The following TTLL9 variants were observed in gnomAD, a reference collection of about 807,000 sequenced individuals.
TTLL9 encodes the protein tubulin tyrosine ligase like 9, also known as probable tubulin polyglutamylase TTLL9.
TTLL9 carries 47 observed loss-of-function variants against 65.6 expected under a neutral mutation model. The observed-to-expected ratio is 0.72, with a 90% CI of 0.57 to 0.91. TTLL9 has a LOEUF of 0.91. Ranked by LOEUF, TTLL9 falls within the 40% of genes least tolerant of loss-of-function variation. TTLL9 has a pLI of 0.00. For missense variants in TTLL9, 537 were observed against 568.8 expected (o/e 0.94, Z 0.57); for synonymous variants, 179 against 204.8 (o/e 0.87, Z 1.07).
rs371973004 is a variant in TTLL9, at chr20:31,939,183, T to A, written c.1160T>A (p.Met387Lys). Residue 387 changes from methionine (M) to lysine (K), a missense_variant, in exon 14 of 15, where the codon ATG becomes AAG. This residue lies in a region of TTLL9 where 205 missense variants were observed against 225.9 expected (regional missense o/e 0.91). Coordinates refer to ENST00000535842, the MANE Select transcript of TTLL9 (RefSeq NM_001008409.5). ...REKRVGGFDLMWNDGPVSREE... is the reference protein window; with the variant it reads ...REKRVGGFDLKWNDGPVSREE... ...AAGCGAGTCGGGGGCTTTGACCTCA[T>A]GTGGAATGATGGCCCTGTTAGCAGA... 1 of 1,610,638 alleles carries A rather than the reference T, an allele frequency of 6.2e-7. No individual in the cohort carries two copies. The highest frequency in any genetic ancestry group is 1.3e-5 in the African/African-American group (1 of 74,662).
intron 3 of TTLL9, among the ~76,000 whole-genome samples, chr20:31,890,137 C>CTTT (rs1465726165): frequency 9.7e-5 from 10 of 103,446 alleles, no homozygotes; most frequent in African/African-American, 3.2e-4. Flanking sequence ...TTCCTTCCTT[C>CTTT]CTTCCTTCCT....
At chr20:31,882,856 G>A (rs1252592336) in intron 2 of TTLL9, among the ~76,000 whole-genome samples, 2 of 152,156 alleles carry the variant, frequency 1.3e-5, no homozygotes, top group East Asian at 1.9e-4. Flanking sequence ...CTGTTTATGT[G>A]GAGGGGTAAG....
intron 10 of TTLL9, among the ~76,000 whole-genome samples, chr20:31,926,292 C>T (rs139014466): frequency 9.5e-4 from 144 of 152,338 alleles, no homozygotes; most frequent in African/African-American, 3.4e-3. Context: ...CATTTGCATC[C>T]TTTTATGTGC....
intron 2 of TTLL9, among the ~76,000 whole-genome samples, chr20:31,872,522 A>G (rs933650166): frequency 5.3e-5 from 8 of 151,820 alleles, no homozygotes; most frequent in African/African-American, 1.9e-4. Flanking sequence ...ACAAAAAAAA[A>G]AAAAAAATTA....
chr20:31,931,443 T>C (rs1018076873), intron 10 of TTLL9, among the ~76,000 whole-genome samples: 4 of 152,124 alleles, frequency 2.6e-5, no homozygotes, highest in African/African-American at 9.7e-5. Flanking sequence ...GCCTGGCTAA[T>C]TTTTGTATTT....
intron 2 of TTLL9, among the ~76,000 whole-genome samples, chr20:31,881,884 A>G (rs897292736): frequency 3.3e-5 from 5 of 152,320 alleles, no homozygotes; most frequent in Non-Finnish European, 7.3e-5. Context: ...CTGTGAATAT[A>G]GTATAGACAT....
intron 11 of TTLL9, 172 bp from the exon 12 acceptor site, chr20:31,934,520 T>A (rs1266492268): frequency 1.5e-6 from 1 of 670,350 alleles, no homozygotes. Context: ...CATGAAGAAT[T>A]TTTGCCCCTC....
At chr20:31,917,781 G>T (rs535974588) in intron 6 of TTLL9, among the ~76,000 whole-genome samples, 2 of 151,758 alleles carry the variant, frequency 1.3e-5, no homozygotes, top group Admixed American at 6.6e-5. Flanking sequence ...AACACGAAAG[G>T]TGGCTCGCCC....
chr20:31,936,904 C>T (rs1010187428), intron 12 of TTLL9, among the ~76,000 whole-genome samples: 2 of 150,360 alleles, frequency 1.3e-5, no homozygotes, highest in Non-Finnish European at 3.0e-5. Context: ...GAGACCAGCT[C>T]GACCAACATG....
chr20:31,893,584 C>T (rs2063339179), intron 3 of TTLL9, among the ~76,000 whole-genome samples: 1 of 152,118 alleles, frequency 6.6e-6, no homozygotes, highest in Non-Finnish European at 1.5e-5. Context: ...AGCCACTGCG[C>T]CTAGCCAAAG....
At chr20:31,898,926 C>T (rs73903684) in intron 4 of TTLL9, among the ~76,000 whole-genome samples, 2,668 of 152,314 alleles carry the variant, frequency 0.018, 75 homozygotes, top group African/African-American at 0.06. Flanking sequence ...CCTCCAGTGA[C>T]GGGTCCAGAT....
chr20:31,942,114 G>T (rs747444077), intron 14 of TTLL9, among the ~76,000 whole-genome samples: 67 of 152,314 alleles, frequency 4.4e-4, no homozygotes, highest in Non-Finnish European at 7.5e-4. Flanking sequence ...CTGAGTGAGT[G>T]TCTGGGAAGC....
At chr20:31,878,455 C>T (rs959704658) in intron 2 of TTLL9, among the ~76,000 whole-genome samples, 2 of 152,214 alleles carry the variant, frequency 1.3e-5, no homozygotes, top group Non-Finnish European at 2.9e-5. Context: ...GTTGAGTATT[C>T]ATTTGGCCAA....
intron 4 of TTLL9, among the ~76,000 whole-genome samples, chr20:31,904,834 C>G (rs6141623): frequency 1.3e-5 from 2 of 152,030 alleles, no homozygotes; most frequent in African/African-American, 2.4e-5. Context: ...ATCATCTTGC[C>G]TAGAGGTTAC....
intron 12 of TTLL9, among the ~76,000 whole-genome samples, chr20:31,936,081 G>A (rs60161975): frequency 0.088 from 13,449 of 152,166 alleles, 648 homozygotes; most frequent in Middle Eastern, 0.16. Flanking sequence ...CTGTGTAGTG[G>A]AAAGGGGCTT....
At chr20:31,909,637 G>C (rs1428961450) in intron 5 of TTLL9, 100 bp from the exon 6 acceptor site, 1 of 1,112,024 alleles carries the variant, frequency 9.0e-7, no homozygotes, top group Non-Finnish European at 1.3e-6. Context: ...TTGTGGGCCA[G>C]AGCATGGAGG....
intron 3 of TTLL9, among the ~76,000 whole-genome samples, chr20:31,888,502 G>A (rs955571552): frequency 6.6e-6 from 1 of 152,018 alleles, no homozygotes; most frequent in Middle Eastern, 3.4e-3. Context: ...ACAGAGTTTC[G>A]CTCTTGTTGC....
intron 8 of TTLL9, among the ~76,000 whole-genome samples, chr20:31,923,608 G>A (rs1297873212): frequency 6.6e-6 from 1 of 152,158 alleles, no homozygotes; most frequent in Non-Finnish European, 1.5e-5. Flanking sequence ...GAATCACAAG[G>A]GCAAAAGGCC....
At chr20:31,940,889 A>G (rs763460878) in intron 14 of TTLL9, 1 of 152,086 alleles carries the variant, frequency 6.6e-6, no homozygotes, top group Non-Finnish European at 1.5e-5. Context: ...CAATCAAAGC[A>G]TTTGCTGGTG....
Sources: gnomAD v4.1 joint callset for allele counts (sites outside exome capture counted in the v4.1 genomes callset) on GRCh38, gnomAD v4.1.1 for gene constraint, gnomAD v4.1.1 regional missense constraint, MANE v1.5 for transcripts, NCBI Gene and HGNC (gene_info 2026-07-23, HGNC 2026-07-21) for gene names.